Variants in C9orf152 observed in about 807,000 individuals in gnomAD.
C9orf152 encodes the protein uncharacterized protein C9orf152.
A neutral mutation model predicts 8.5 loss-of-function variants in C9orf152; 8 were observed. The ratio of observed to expected loss-of-function variants is 0.94; its 90% CI spans 0.55 to 1.70. C9orf152 has a LOEUF of 1.70. Among genes scored for constraint, C9orf152 ranks in the 40% most tolerant of loss-of-function variants. C9orf152 has a pLI of 0.00. For synonymous variants in C9orf152, 109 were observed against 113.0 expected, an observed-to-expected ratio of 0.96 and a Z score of 0.22; for missense variants, 293 against 286.2, an observed-to-expected ratio of 1.02 and a Z score of -0.17.
chr9:110,204,860 T>C (rs4978890), intron 1 of C9orf152, among the ~76,000 whole-genome samples: 43,256 of 152,048 alleles, frequency 0.28, 6,266 homozygotes, highest in Non-Finnish European at 0.3. Flanking sequence ...AATGGGATTA[T>C]ACAGTATTTG....
intron 1 of C9orf152, among the ~76,000 whole-genome samples, chr9:110,205,248 C>T (rs1587906076): frequency 6.6e-6 from 1 of 152,168 alleles, no homozygotes; most frequent in African/African-American, 2.4e-5. Context: ...AAAACAAGTT[C>T]ATCTCTCTCT....
At chr9:110,207,272 G>T (rs1460082115) in intron 1 of C9orf152, 115 bp downstream of exon 1, 17 of 1,222,988 alleles carry the variant, frequency 1.4e-5, no homozygotes, top group Non-Finnish European at 2.0e-5. Context: ...CGCCTCCCCT[G>T]CTCTTCCCCA....
intron 1 of C9orf152, among the ~76,000 whole-genome samples, chr9:110,205,788 A>G (rs145770539): frequency 6.6e-6 from 1 of 152,254 alleles, no homozygotes; most frequent in African/African-American, 2.4e-5. Context: ...TCAGCCAAGT[A>G]TGGTGGTTCA....
At position 110,200,868 on chromosome 9, in the gene C9orf152, CG is replaced by C; in HGVS notation, c.*79del. The C allele has an allele frequency of 1.4e-6, 2 of 1,402,274 alleles. No individual in the cohort carries two copies. The highest frequency in any genetic ancestry group is 2.5e-4 in the Middle Eastern group (1 of 4,050). The allele number at this position is 1,402,274 out of a possible 1,614,324, so 86.9% of individuals were successfully genotyped here. Reference sequence around the variant, plus strand: ...AGTTCTTGCTCATAGCTAGAGACCTCGTTGTGGCTCTGCCTCCTTGGTTCTT... The same window carrying C: ...AGTTCTTGCTCATAGCTAGAGACCTCTTGTGGCTCTGCCTCCTTGGTTCTT... On this transcript the variant is annotated 3_prime_UTR_variant, in exon 2 of 2. Coordinates refer to ENST00000400613, the MANE Select transcript of C9orf152 (RefSeq NM_001012993.3).
intron 1 of C9orf152, among the ~76,000 whole-genome samples, chr9:110,204,927 T>C (rs988613308): frequency 7.2e-5 from 11 of 152,210 alleles, no homozygotes; most frequent in Admixed American, 6.5e-5. Context: ...TTATCCATGT[T>C]GTAGTGTATG....
Position 110,200,919 on chromosome 9 carries a change from G to A in C9orf152, c.*29C>T, listed in dbSNP as rs775338846. ...TCTATAAGGCCATAGGTGGCCTCAA[G>A]GTCAAGACATCTGGCAGAATAGAAA... On this transcript the variant is annotated 3_prime_UTR_variant, in exon 2 of 2. Coordinates refer to ENST00000400613, the MANE Select transcript of C9orf152 (RefSeq NM_001012993.3). 1.3e-6 allele frequency: 2 copies of A among 1,563,822 alleles called. No individual in the cohort carries two copies. The highest frequency in any genetic ancestry group is 3.9e-5 in the Admixed American group (2 of 51,816).
intron 1 of C9orf152, among the ~76,000 whole-genome samples, chr9:110,206,348 G>A (rs1837274519): frequency 6.6e-6 from 1 of 152,152 alleles, no homozygotes; most frequent in Admixed American, 6.5e-5. Flanking sequence ...GGTGTATTAA[G>A]CATTGTGTTT....
rs554733063 is a variant in C9orf152, at chr9:110,201,274, G to T, written c.394C>A (p.Gln132Lys). Residue 132 changes from glutamine to lysine, a missense_variant, in exon 2 of 2, where the codon CAG (glutamine) becomes AAG (lysine). Gln to Lys is a moderately conservative substitution (Grantham distance 53). Coordinates refer to ENST00000400613, the MANE Select transcript of C9orf152 (RefSeq NM_001012993.3). ...EMHCLVQTSP[Q>K]DTSHQVHHRG... ...TGATGTACTTGATGACTGGTGTCCT[G>T]GGGGGAGGTTTGGACCAAACAATGC... 24 of 1,613,944 alleles carry T rather than the reference G, an allele frequency of 1.5e-5. No homozygotes were observed. Among genetic ancestry groups the T allele is most frequent in the African/African-American group, 2.7e-5 (2 of 75,018 alleles).
At chr9:110,204,781 G>A (rs1222713587) in intron 1 of C9orf152, among the ~76,000 whole-genome samples, 3 of 152,046 alleles carry the variant, frequency 2.0e-5, no homozygotes, top group Non-Finnish European at 2.9e-5. Context: ...CCATGCCCCA[G>A]CCTCTGGCAA....
chr9:110,203,278 C>A (rs1837242416), intron 1 of C9orf152, among the ~76,000 whole-genome samples: 1 of 152,144 alleles, frequency 6.6e-6, no homozygotes, highest in Admixed American at 6.5e-5. Context: ...CCGCCTCGGC[C>A]TCCCAAAGTG....
Position 110,207,503 on chromosome 9 carries a change from G to A in C9orf152, c.77C>T (p.Ser26Phe), listed in dbSNP as rs750463785. ...QLRSHLMAEG[S>F]RTQAPGKGPP... ...CCCTTTCCCAGGGGCCTGAGTCCTG[G>A]AGCCCTCAGCCATTAAGTGAGACCT... is the stretch of plus-strand genomic sequence containing the variant. The change falls in exon 1 of 2, where the codon TCC (serine) becomes TTC (phenylalanine). Residue 26 changes from serine (S) to phenylalanine (F), a missense_variant. Ser to Phe is a radical substitution (Grantham distance 155). Transcript: ENST00000400613. The A allele has an allele frequency of 1.2e-6, 2 of 1,613,122 alleles. No homozygotes were observed. Among genetic ancestry groups the A allele is most frequent in the South Asian group, 2.2e-5 (2 of 90,904 alleles).
In C9orf152 at chr9:110,207,641, G is replaced by A. The variant is rs1837290252; in HGVS notation, c.-62C>T. On this transcript the variant is annotated 5_prime_UTR_variant, in exon 1 of 2. Coordinates refer to ENST00000400613, the MANE Select transcript of C9orf152 (RefSeq NM_001012993.3). ...GCAGGACCTGGGGAGGGGAGAGAGA[G>A]GGAGGGGGCAGTGAGGGAGAAGGAG... 2 of 1,311,834 alleles carry A rather than the reference G, an allele frequency of 1.5e-6. No individual in the cohort carries two copies. Among genetic ancestry groups the A allele is most frequent in the Non-Finnish European group, 2.0e-6 (2 of 978,232 alleles). 81.3% of individuals were successfully genotyped at this position (1,311,834 alleles called of 1,614,324 possible).
In C9orf152 at chr9:110,207,628, G is replaced by A; in HGVS notation, c.-49C>T. 1 of 1,421,894 alleles carries A rather than the reference G, an allele frequency of 7.0e-7. No individual in the cohort carries two copies. The highest frequency in any genetic ancestry group is 9.4e-7 in the Non-Finnish European group (1 of 1,068,024). 88.1% of individuals were successfully genotyped at this position (1,421,894 alleles called of 1,614,324 possible). The stretch of plus-strand genomic sequence containing the variant: ...ACAGCTGGGTGGGGCAGGACCTGGG[G>A]AGGGGAGAGAGAGGGAGGGGGCAGT... On this transcript the variant is annotated 5_prime_UTR_variant, in exon 1 of 2. Coordinates refer to ENST00000400613, the MANE Select transcript of C9orf152 (RefSeq NM_001012993.3).
chr9:110,204,518 G>A, intron 1 of C9orf152, among the ~76,000 whole-genome samples: 1 of 152,114 alleles, frequency 6.6e-6, no homozygotes, highest in African/African-American at 2.4e-5. Flanking sequence ...GCTGCACTGG[G>A]CACTGAGGAT....
chr9:110,201,566 G>T (rs1033310910), intron 1 of C9orf152, 92 bp from the exon 2 acceptor site: 8 of 1,020,184 alleles, frequency 7.8e-6, no homozygotes, highest in Non-Finnish European at 1.1e-5. Context: ...CTGAAGGAAG[G>T]CCATCCCCAG....
At chr9:110,204,329 T>A (rs1418107754) in intron 1 of C9orf152, among the ~76,000 whole-genome samples, 1 of 152,224 alleles carries the variant, frequency 6.6e-6, no homozygotes, top group Non-Finnish European at 1.5e-5. Flanking sequence ...TTCCAGAAGC[T>A]GGATCCATCG....
intron 1 of C9orf152, among the ~76,000 whole-genome samples, chr9:110,204,137 G>A (rs560047532): frequency 8.9e-4 from 136 of 152,242 alleles, no homozygotes; most frequent in African/African-American, 3.0e-3. Context: ...TATAAGTCCC[G>A]ACCCTAATCC....
At position 110,201,035 on chromosome 9, in the gene C9orf152, G is replaced by T. The variant is rs981893171; in HGVS notation, c.633C>A (p.Gly211=). Residue 211 remains glycine, a synonymous_variant, in exon 2 of 2, where the codon GGC becomes GGA. Transcript: ENST00000400613. ...PLSIKNPHRS[G]KPAYYPFPQR... is the part of the protein sequence containing the mutation. The stretch of plus-strand genomic sequence containing the variant: ...GGGGAAATGGATAGTAAGCTGGTTT[G>T]CCAGACCTGTGTGGGTTCTTTATGG... The T allele has an allele frequency of 6.2e-7, 1 of 1,614,220 alleles. No homozygotes were observed. Among genetic ancestry groups the T allele is most frequent in the South Asian group, 1.1e-5 (1 of 91,090 alleles).
intron 1 of C9orf152, among the ~76,000 whole-genome samples, chr9:110,203,542 C>T (rs916173896): frequency 6.6e-6 from 1 of 152,224 alleles, no homozygotes; most frequent in African/African-American, 2.4e-5. Flanking sequence ...CACCCCAGAG[C>T]AGCCTCTGCT....
Sources: gnomAD v4.1 joint callset for allele counts (sites outside exome capture counted in the v4.1 genomes callset) on GRCh38, gnomAD v4.1.1 for gene constraint, MANE v1.5 for transcripts, NCBI Gene and HGNC (gene_info 2026-07-23, HGNC 2026-07-21) for gene names.